Variants in NREP observed in about 807,000 individuals in gnomAD.
The protein encoded by NREP is neuronal regeneration-related protein.
Under a neutral mutation model 8.6 loss-of-function variants are expected in NREP, and 5 were observed. The observed-to-expected ratio is 0.58, with a 90% CI of 0.30 to 1.22. The LOEUF is 1.22. Among genes scored for constraint, NREP ranks in the 50% most tolerant of loss-of-function variants. The probability of loss-of-function intolerance (pLI) is 0.07; values close to 1 mark genes in which losing one functional copy is unlikely to be tolerated. For missense variants in NREP, 86 were observed against 82.5 expected, an observed-to-expected ratio of 1.04 and a Z score of -0.17; for synonymous variants, 27 against 28.0, an observed-to-expected ratio of 0.96 and a Z score of 0.11.
At chr5:111,815,267 GA>G (rs1169111514) in intron 2 of NREP, among the ~76,000 whole-genome samples, 1 of 152,116 alleles carries the variant, frequency 6.6e-6, no homozygotes, top group Admixed American at 6.5e-5. Flanking sequence ...TATTCCTTAG[GA>G]ATAAGAGAAA....
intron 2 of NREP, among the ~76,000 whole-genome samples, chr5:111,747,837 A>AAAT (rs1307535066): frequency 1.4e-4 from 21 of 152,318 alleles, no homozygotes; most frequent in African/African-American, 4.6e-4. Context: ...AGGGATTTAA[A>AAAT]AATATCTCTA....
intron 3 of NREP, chr5:111,733,081 T>A (rs1748749161): frequency 6.6e-6 from 1 of 152,224 alleles, no homozygotes; most frequent in Non-Finnish European, 1.5e-5. Context: ...AAAGTGACGA[T>A]TATTTCAGAT....
At chr5:111,867,645 A>G (rs1753698446) in intron 2 of NREP, among the ~76,000 whole-genome samples, 1 of 152,158 alleles carries the variant, frequency 6.6e-6, no homozygotes, top group African/African-American at 2.4e-5. Context: ...TCAGCAAGGA[A>G]ATTTTTGGTT....
At chr5:111,793,624 T>C (rs985479347) in intron 2 of NREP, among the ~76,000 whole-genome samples, 3 of 152,178 alleles carry the variant, frequency 2.0e-5, no homozygotes, top group Admixed American at 1.3e-4. Context: ...TCAGAGATAA[T>C]GCTTTACCAG....
At chr5:111,786,374 T>A (rs1751611897) in intron 2 of NREP, among the ~76,000 whole-genome samples, 1 of 152,196 alleles carries the variant, frequency 6.6e-6, no homozygotes, top group African/African-American at 2.4e-5. Context: ...CTGTTCTTTA[T>A]AGCAGCGTGA....
intron 2 of NREP, among the ~76,000 whole-genome samples, chr5:111,792,492 A>G (rs912122477): frequency 2.6e-5 from 4 of 152,216 alleles, no homozygotes; most frequent in Non-Finnish European, 5.9e-5. Context: ...AATAAAAAAT[A>G]TATGGTTTGA....
At chr5:111,827,914 C>T (rs1399535804) in intron 2 of NREP, among the ~76,000 whole-genome samples, 2 of 152,106 alleles carry the variant, frequency 1.3e-5, no homozygotes, top group African/African-American at 4.8e-5. Flanking sequence ...CAAGACAGTA[C>T]CAAAGGCACA....
intron 2 of NREP, among the ~76,000 whole-genome samples, chr5:111,854,685 T>C (rs1753386502): frequency 6.6e-6 from 1 of 152,210 alleles, no homozygotes; most frequent in Admixed American, 6.5e-5. Context: ...TCTCAATTTC[T>C]ATTTTTTCAT....
At chr5:111,788,053 T>C (rs74655657) in intron 2 of NREP, among the ~76,000 whole-genome samples, 1,552 of 152,162 alleles carry the variant, frequency 0.01, 23 homozygotes, top group African/African-American at 0.033. Flanking sequence ...TGATTGCCAC[T>C]ACCCTCCACC....
At chr5:111,889,762 T>A (rs1754349499) in intron 2 of NREP, among the ~76,000 whole-genome samples, 1 of 152,056 alleles carries the variant, frequency 6.6e-6, no homozygotes. Flanking sequence ...TTCACTTGGG[T>A]GCAAGTGGGC....
intron 2 of NREP, among the ~76,000 whole-genome samples, chr5:111,790,774 AG>A (rs34870221): frequency 0.58 from 87,439 of 151,868 alleles, 25,583 homozygotes; most frequent in African/African-American, 0.64. Context: ...GAAGTTATTT[AG>A]GATATATTGT....
Position 111,964,855 on chromosome 5 carries a change from C to CAAAAA in NREP, c.135+10414_135+10418dup, listed in dbSNP as rs58877839. Among the ~76,000 whole-genome samples, 418 of 44,800 alleles carry CAAAAA rather than the reference C, an allele frequency of 9.3e-3. 25 individuals are homozygous for CAAAAA. Among genetic ancestry groups the CAAAAA allele is most frequent in the East Asian group, 0.013 (10 of 786 alleles). The allele number at this position is 44,800 out of a possible 152,430, so 29.4% of individuals were successfully genotyped here. A position where few individuals can be genotyped will look rare whatever the true frequency, so the allele number is the denominator to read the frequency against. On this transcript the variant is annotated intron_variant, in intron 2 of 3. Coordinates refer to the NREP transcript ENST00000395634. The stretch of plus-strand genomic sequence containing the variant: ...AGTCTACTTAGAATGCTTTCAGCAG[C>CAAAAA]AAAAAAAAAAAAAAAAAAAAAAAAA...
In NREP at chr5:111,874,533, G is replaced by C. The variant is rs576955936; in HGVS notation, c.135+100741C>G. Among the ~76,000 whole-genome samples the C allele has an allele frequency of 2.0e-5, 3 of 152,214 alleles. No individual in the cohort carries two copies. In the East Asian group the frequency reaches 5.8e-4, roughly 29 times the overall value. ...TGAAAAAATTTGGGGAATTTAACAGGCTTTTTCTAGATTGGCTTGTTGGGA... is the reference window on the plus strand; with the variant it reads ...TGAAAAAATTTGGGGAATTTAACAGCCTTTTTCTAGATTGGCTTGTTGGGA... On this transcript the variant is annotated intron_variant, in intron 2 of 3. Coordinates refer to the NREP transcript ENST00000395634.
rs547126199 is a variant in NREP at position 111,764,684 on chromosome 5, G to A, written c.136-29177C>T. ...CAAAGGTGAAAGATCTTTGCCTTTA[G>A]AATGAGGTTCTTAAAAACATAATAA... On this transcript the variant is annotated intron_variant, in intron 2 of 3. Coordinates refer to the NREP transcript ENST00000395634. Among the ~76,000 whole-genome samples the A allele has an allele frequency of 1.2e-4, 19 of 152,282 alleles. No homozygotes were observed. In the South Asian group the frequency reaches 3.9e-3, roughly 32 times the overall value.
chr5:111,832,586 A>C (rs4495228), intron 2 of NREP, among the ~76,000 whole-genome samples: 21,988 of 151,914 alleles, frequency 0.14, 3,107 homozygotes, highest in African/African-American at 0.37. Flanking sequence ...GGAAAATGCA[A>C]TAGTGTGGCT....
intron 2 of NREP, among the ~76,000 whole-genome samples, chr5:111,856,377 T>C (rs894125346): frequency 6.6e-6 from 1 of 152,188 alleles, no homozygotes; most frequent in African/African-American, 2.4e-5. Context: ...ACACTCACTT[T>C]TTAATATACA....
At chr5:111,929,812 T>C (rs506401) in intron 2 of NREP, among the ~76,000 whole-genome samples, 148,869 of 152,252 alleles carry the variant, frequency 0.98, 73,023 homozygotes, top group Middle Eastern at 1. Flanking sequence ...AGACTAAAAG[T>C]TAAATAAGTG....
At chr5:111,772,761 C>G (rs904913622) in intron 2 of NREP, among the ~76,000 whole-genome samples, 9 of 152,078 alleles carry the variant, frequency 5.9e-5, no homozygotes, top group African/African-American at 1.7e-4. Context: ...GACTCAGCAC[C>G]TGAAAGATGT....
chr5:111,959,362 G>T (rs1343755114), intron 2 of NREP, among the ~76,000 whole-genome samples: 1 of 151,834 alleles, frequency 6.6e-6, no homozygotes, highest in Non-Finnish European at 1.5e-5. Flanking sequence ...GCCTCTGGGG[G>T]CTGATGTTCT....
Sources: gnomAD v4.1 joint callset for allele counts (sites outside exome capture counted in the v4.1 genomes callset) on GRCh38, gnomAD v4.1.1 for gene constraint, MANE v1.5 for transcripts, NCBI Gene and HGNC (gene_info 2026-07-23, HGNC 2026-07-21) for gene names.